The following ITGB1 variants were observed in gnomAD, a reference collection of about 807,000 sequenced individuals.
The protein encoded by ITGB1 is integrin beta-1.
Under a neutral mutation model 86.5 loss-of-function variants are expected in ITGB1, and 24 were observed. The ratio of observed to expected loss-of-function variants is 0.28; its 90% CI spans 0.20 to 0.39. The LOEUF (loss-of-function observed/expected upper bound fraction) is 0.39. Among genes scored for constraint, ITGB1 ranks in the 10% least tolerant of loss-of-function variants. The pLI, the probability that ITGB1 is intolerant of heterozygous loss-of-function variation, is 1.00. For synonymous variants in ITGB1, 323 were observed against 316.8 expected, an observed-to-expected ratio of 1.02 and a Z score of -0.21; for missense variants, 556 against 946.9, an observed-to-expected ratio of 0.59 and a Z score of 5.42.
chr10:32,927,901 C>T (rs984044124), intron 5 of ITGB1, among the ~76,000 whole-genome samples, 193 bp downstream of exon 5: 1 of 152,154 alleles, frequency 6.6e-6, no homozygotes, highest in African/African-American at 2.4e-5. Flanking sequence ...CATCCAGTGA[C>T]AGAGGAACAA....
At chr10:32,911,053 T>A (rs1456540868) in intron 13 of ITGB1, among the ~76,000 whole-genome samples, 1 of 152,172 alleles carries the variant, frequency 6.6e-6, no homozygotes, top group Non-Finnish European at 1.5e-5. Flanking sequence ...TCATAATAAT[T>A]TAAATAATAT....
chr10:32,910,544 G>C (rs1390687789), intron 13 of ITGB1, 89 bp from the exon 14 acceptor site: 2 of 824,414 alleles, frequency 2.4e-6, no homozygotes, highest in African/African-American at 3.5e-5. Flanking sequence ...AAACTCTTGT[G>C]ACCAAATTGA....
At chr10:32,908,565 A>G in intron 14 of ITGB1, 31 bp from the exon 15 acceptor site, 2 of 1,598,138 alleles carry the variant, frequency 1.3e-6, no homozygotes, top group Middle Eastern at 3.3e-4. Context: ...AATGAGCACC[A>G]CAAAGAGCTG....
At chr10:32,910,181 T>C (rs758598230) in intron 14 of ITGB1, 42 bp downstream of exon 14, 1 of 1,438,088 alleles carries the variant, frequency 7.0e-7, no homozygotes, top group Non-Finnish European at 9.7e-7. Context: ...AAACAAGACA[T>C]ACAAGATATG....
At chr10:32,907,125 T>C (rs1317129589) in intron 15 of ITGB1, 1 of 1,338,658 alleles carries the variant, frequency 7.5e-7, no homozygotes, top group East Asian at 4.6e-5. Flanking sequence ...ATAGGACTCT[T>C]GTAAATCGGA....
intron 1 of ITGB1, among the ~76,000 whole-genome samples, chr10:32,946,030 C>G (rs925941703): frequency 8.5e-5 from 13 of 152,090 alleles, no homozygotes; most frequent in African/African-American, 2.7e-4. Context: ...TGGATAAGCA[C>G]CAAAGTTGAA....
intron 1 of ITGB1, among the ~76,000 whole-genome samples, chr10:32,953,294 CCTGAA>C (rs2095046123): frequency 6.6e-6 from 1 of 152,150 alleles, no homozygotes; most frequent in African/African-American, 2.4e-5. Context: ...TTTATGTTTT[CCTGAA>C]CTGAACACAA....
chr10:32,949,816 T>C (rs2095039273), intron 1 of ITGB1, among the ~76,000 whole-genome samples: 1 of 152,196 alleles, frequency 6.6e-6, no homozygotes, highest in South Asian at 2.1e-4. Flanking sequence ...ATTTATTAAT[T>C]TTTTTAAACA....
At chr10:32,903,052 G>C (rs926828419) in intron 15 of ITGB1, among the ~76,000 whole-genome samples, 9 of 152,118 alleles carry the variant, frequency 5.9e-5, no homozygotes, top group Non-Finnish European at 1.2e-4. Flanking sequence ...CAGTTCAGAA[G>C]TTTCTAGAGT....
intron 3 of ITGB1, among the ~76,000 whole-genome samples, chr10:32,930,642 C>G (rs1280335603): frequency 6.6e-6 from 1 of 151,908 alleles, no homozygotes; most frequent in Non-Finnish European, 1.5e-5. Context: ...TTTTAAAAAA[C>G]TTTTAAAAAG....
chr10:32,952,245 T>C (rs1473401059), intron 1 of ITGB1, among the ~76,000 whole-genome samples: 2 of 152,146 alleles, frequency 1.3e-5, no homozygotes, highest in African/African-American at 4.8e-5. Context: ...ATTTACATGA[T>C]TACCAAATTT....
In ITGB1 at chr10:32,910,469, C is replaced by T. The variant is rs1421067653; in HGVS notation, c.1932-14G>A. The T allele has an allele frequency of 6.7e-7, 1 of 1,499,088 alleles. No homozygotes were observed. Among genetic ancestry groups the T allele is most frequent in the Non-Finnish European group, 9.2e-7 (1 of 1,090,444 alleles). 92.9% of individuals were successfully genotyped at this position (1,499,088 alleles called of 1,614,324 possible). On this transcript the variant is annotated splice_polypyrimidine_tract_variant and intron_variant, in intron 13 of 15. Coordinates refer to ENST00000302278, the MANE Select transcript of ITGB1 (RefSeq NM_002211.4). ...TGAACACATTCTCTGTTACAAAAAA[C>T]ACAAATTATGATATTTACATTTTAT...
chr10:32,915,112 A>G (rs1367544237), intron 11 of ITGB1, among the ~76,000 whole-genome samples: 1 of 152,224 alleles, frequency 6.6e-6, no homozygotes, highest in Non-Finnish European at 1.5e-5. Context: ...GTTCTTTGAA[A>G]CCAGTGAGAA....
At chr10:32,951,198 C>T (rs977432753) in intron 1 of ITGB1, among the ~76,000 whole-genome samples, 4 of 152,074 alleles carry the variant, frequency 2.6e-5, no homozygotes, top group African/African-American at 9.7e-5. Flanking sequence ...TCAAATAGAT[C>T]TTGACAGTGA....
intron 5 of ITGB1, among the ~76,000 whole-genome samples, chr10:32,926,383 G>A (rs1278447554): frequency 6.6e-6 from 1 of 152,190 alleles, no homozygotes; most frequent in Non-Finnish European, 1.5e-5. Flanking sequence ...CCCCGCCCAA[G>A]TCTCATGTTA....
intron 3 of ITGB1, among the ~76,000 whole-genome samples, chr10:32,931,748 T>C (rs528295191): frequency 2.6e-5 from 4 of 152,272 alleles, no homozygotes; most frequent in African/African-American, 9.6e-5. Flanking sequence ...CCCAAATGCC[T>C]GCATGAAAAC....
At chr10:32,919,022 T>A (rs2094940594) in intron 11 of ITGB1, among the ~76,000 whole-genome samples, 1 of 152,250 alleles carries the variant, frequency 6.6e-6, no homozygotes, top group Admixed American at 6.5e-5. Context: ...ATTTTCAAGA[T>A]AATCTTTTTG....
rs563342122 is a variant in ITGB1, at chr10:32,923,071, A to C, written c.943-336T>G. On this transcript the variant is annotated intron_variant, in intron 7 of 15. Coordinates refer to ENST00000302278, the MANE Select transcript of ITGB1 (RefSeq NM_002211.4). ...TTAAATAGTAAGTTTATCTATGTAT[A>C]TTAAATATAAGGACAATGAAATTAA... 2.0e-5 allele frequency among the ~76,000 whole-genome samples: 3 copies of C among 152,312 alleles called. No individual in the cohort carries two copies. In the East Asian group the frequency reaches 5.8e-4, roughly 29 times the overall value.
intron 1 of ITGB1, among the ~76,000 whole-genome samples, chr10:32,943,510 T>C (rs1488884876): frequency 6.6e-6 from 1 of 151,722 alleles, no homozygotes. Flanking sequence ...GAAGGTGCAG[T>C]GCTACCAAAA....
Sources: gnomAD v4.1 joint callset for allele counts (sites outside exome capture counted in the v4.1 genomes callset) on GRCh38, gnomAD v4.1.1 for gene constraint, MANE v1.5 for transcripts, NCBI Gene and HGNC (gene_info 2026-07-23, HGNC 2026-07-21) for gene names.